The following COBL variants were observed in gnomAD, a reference collection of about 807,000 sequenced individuals.
COBL encodes protein cordon-bleu.
COBL carries 51 observed loss-of-function variants against 98.8 expected under a neutral mutation model. The observed-to-expected ratio is 0.52, with a 90% CI of 0.41 to 0.65. The LOEUF (loss-of-function observed/expected upper bound fraction) is 0.65. COBL is among the 30% of genes least tolerant of loss of function. COBL has a pLI of 0.00. For synonymous variants in COBL, 634 were observed against 651.7 expected, an observed-to-expected ratio of 0.97 and a Z score of 0.41; for missense variants, 1,617 against 1,617.5, an observed-to-expected ratio of 1.00 and a Z score of 0.01.
chr7:51,164,465 C>A (rs775765071), intron 5 of COBL, among the ~76,000 whole-genome samples: 1 of 152,070 alleles, frequency 6.6e-6, no homozygotes, highest in Non-Finnish European at 1.5e-5. Flanking sequence ...AGTGACATAA[C>A]ATATTTAAAG....
intron 1 of COBL, among the ~76,000 whole-genome samples, chr7:51,280,983 T>C (rs987414659): frequency 1.3e-5 from 2 of 152,132 alleles, no homozygotes; most frequent in African/African-American, 4.8e-5. Context: ...CATAATGAAA[T>C]AGTCAAAATG....
rs557887142 is a variant in COBL at position 51,109,388 on chromosome 7, G to A, written c.958-24084C>T. ...GTTCTGCATCATCATCTGCATCTGC[G>A]GACCCTTCTGGATAATCTTTAAAGG... is the stretch of plus-strand genomic sequence containing the variant. On this transcript the variant is annotated intron_variant, in intron 6 of 12. Transcript: ENST00000265136. 1.8e-4 allele frequency among the ~76,000 whole-genome samples: 28 copies of A among 152,198 alleles called. No individual in the cohort carries two copies. The South Asian group carries it at 4.6e-3, about 25-fold the overall frequency.
rs1787828393 is a variant in COBL, at chr7:51,028,587, G to A, written c.2509C>T (p.Pro837Ser). ...NPLGEGRNQP[P>S]TMGMGHVRVP... ...CTCACGTGACCCATGCCCATGGTGG[G>A]GGGCTGGTTTCTCCCCTCCCCTAGG... The change falls in exon 10 of 13, where the codon CCC (proline) becomes TCC (serine). Residue 837 changes from proline to serine, a missense_variant. By Grantham distance (74) the Pro-to-Ser change is moderately conservative. Coordinates refer to ENST00000265136, the MANE Select transcript of COBL (RefSeq NM_015198.5). 6.2e-7 allele frequency: 1 copy of A among 1,614,198 alleles called. No individual in the cohort carries two copies. The highest frequency in any genetic ancestry group is 8.5e-7 in the Non-Finnish European group (1 of 1,180,020).
At chr7:51,120,698 C>A (rs1797665848) in intron 6 of COBL, among the ~76,000 whole-genome samples, 1 of 152,084 alleles carries the variant, frequency 6.6e-6, no homozygotes, top group African/African-American at 2.4e-5. Flanking sequence ...AATCTGACTA[C>A]TGTAAGTGCC....
At chr7:51,241,261 C>T (rs1232105411) in intron 1 of COBL, among the ~76,000 whole-genome samples, 2 of 152,238 alleles carry the variant, frequency 1.3e-5, no homozygotes, top group African/African-American at 4.8e-5. Context: ...TACACACAAA[C>T]TTTTAAACAT....
At chr7:51,208,865 G>C (rs1353391726) in intron 2 of COBL, among the ~76,000 whole-genome samples, 2 of 151,862 alleles carry the variant, frequency 1.3e-5, no homozygotes, top group African/African-American at 4.8e-5. Flanking sequence ...TGAAGGCAGA[G>C]TCATCACCAC....
chr7:51,191,468 CCA>C, intron 3 of COBL, among the ~76,000 whole-genome samples: 1 of 151,548 alleles, frequency 6.6e-6, no homozygotes, highest in African/African-American at 2.4e-5. Context: ...GAAAAACCCT[CCA>C]AAAACATGAC....
chr7:51,075,000 T>G (rs1325659671), intron 7 of COBL, among the ~76,000 whole-genome samples: 1 of 152,210 alleles, frequency 6.6e-6, no homozygotes, highest in Non-Finnish European at 1.5e-5. Flanking sequence ...AGTCAATTAT[T>G]ACCGTTAACA....
At chr7:51,219,432 G>A (rs191349829) in intron 2 of COBL, among the ~76,000 whole-genome samples, 5 of 152,246 alleles carry the variant, frequency 3.3e-5, no homozygotes, top group African/African-American at 1.2e-4. Flanking sequence ...CCACCCAGGG[G>A]TGTAGGTCAC....
intron 4 of COBL, among the ~76,000 whole-genome samples, chr7:51,187,569 C>G (rs1203495888): frequency 6.6e-6 from 1 of 152,110 alleles, no homozygotes; most frequent in Non-Finnish European, 1.5e-5. Context: ...CATGGGCAGG[C>G]AGAGGTGAAA....
chr7:51,100,536 G>A (rs537151426), intron 6 of COBL, among the ~76,000 whole-genome samples: 1 of 152,244 alleles, frequency 6.6e-6, no homozygotes, highest in Admixed American at 6.5e-5. Flanking sequence ...TAATAATAAC[G>A]ACATATTCCA....
Position 51,028,410 on chromosome 7 carries a change from A to C in COBL, c.2686T>G (p.Tyr896Asp). The change falls in exon 10 of 13, where the codon TAT becomes GAT. Residue 896 changes from tyrosine to aspartate, a missense_variant. Physicochemically the swap from Tyr to Asp is radical, Grantham distance 160. This residue lies in a region of COBL where 1,304 missense variants were observed against 1,282.0 expected (regional missense o/e 1.02). Transcript: ENST00000265136. ...GCCAGCACTGGCGCCTTGCCTGCAT[A>C]ACCCTTCTCGGCATAACCGTGTGGC... Reference protein sequence around the residue: ...VRPHGYAEKGYAGKAPVLAAP... With the variant: ...VRPHGYAEKGDAGKAPVLAAP... 6.2e-7 allele frequency: 1 copy of C among 1,614,244 alleles called. No individual in the cohort carries two copies. Among genetic ancestry groups the C allele is most frequent in the Non-Finnish European group, 8.5e-7 (1 of 1,180,038 alleles).
chr7:51,131,908 A>G (rs768648895), intron 6 of COBL, among the ~76,000 whole-genome samples: 6 of 150,366 alleles, frequency 4.0e-5, no homozygotes, highest in Non-Finnish European at 8.9e-5. Flanking sequence ...CTTCTTAAAC[A>G]GAAGCTATCA....
chr7:51,148,012 T>C (rs1224215192), intron 5 of COBL, among the ~76,000 whole-genome samples: 1 of 152,194 alleles, frequency 6.6e-6, no homozygotes, highest in African/African-American at 2.4e-5. Flanking sequence ...TCCGCCCACC[T>C]TGGCCTCCGA....
chr7:51,193,410 T>C lies in COBL; in HGVS notation c.425A>G (p.Lys142Arg). 1 of 1,614,184 alleles carries C rather than the reference T, an allele frequency of 6.2e-7. No homozygotes were observed. The highest frequency in any genetic ancestry group is 8.5e-7 in the Non-Finnish European group (1 of 1,180,004). The change falls in exon 3 of 13, where the codon AAG becomes AGG. Residue 142 changes from lysine (K) to arginine (R), a missense_variant. Around this residue, in one of 3 missense-constraint regions of COBL, gnomAD observed 238 missense variants for 215.0 expected, o/e 1.11. Transcript: ENST00000265136. ...CACCTTAGGGGGACCAGGCTTAACC[T>C]TCTCTTCAGGAACTTTTTCTTTCAG... is the stretch of plus-strand genomic sequence containing the variant. The part of the protein sequence containing the change: ...VFLKEKVPEE[K>R]VKPGPPKVPE...
At chr7:51,037,236 G>GT (rs1788736409) in intron 8 of COBL, among the ~76,000 whole-genome samples, 1 of 152,208 alleles carries the variant, frequency 6.6e-6, no homozygotes, top group African/African-American at 2.4e-5. Flanking sequence ...TCCTCAGTCA[G>GT]TTGTACATAA....
rs184593415 is a variant in COBL, at chr7:51,085,687, G to A, written c.958-383C>T. Among the ~76,000 whole-genome samples, 1,135 of 152,290 alleles carry A rather than the reference G, an allele frequency of 7.5e-3. 13 individuals are homozygous for A. The highest frequency in any genetic ancestry group is 0.026 in the African/African-American group (1,100 of 41,568). On this transcript the variant is annotated intron_variant, in intron 6 of 12. Transcript: ENST00000265136. ...AATGTAAGGAGAACAATTCCTTCTG[G>A]AACAGGATGGGCTGCCGTGAATTGT...
In COBL at chr7:51,025,353, T is replaced by C; in HGVS notation, c.3524A>G (p.Glu1175Gly). The C allele has an allele frequency of 1.2e-6, 2 of 1,613,274 alleles. No individual in the cohort carries two copies. Among genetic ancestry groups the C allele is most frequent in the South Asian group, 2.2e-5 (2 of 91,068 alleles). ...SLRKVASSAS[E>G]ELQSFRDAAL... Reference sequence around the variant, plus strand: ...GGCATCTCGGAAGCTCTGGAGCTCCTCAGAAGCAGAGGATGCCACCTGGCA... The same window carrying C: ...GGCATCTCGGAAGCTCTGGAGCTCCCCAGAAGCAGAGGATGCCACCTGGCA... Residue 1175 changes from glutamate to glycine, a missense_variant, in exon 12 of 13, where the codon GAG becomes GGG. This residue lies in a region of COBL where 1,304 missense variants were observed against 1,282.0 expected (regional missense o/e 1.02). Transcript: ENST00000265136.
At chr7:51,115,537 A>G (rs1797199679) in intron 6 of COBL, among the ~76,000 whole-genome samples, 1 of 152,078 alleles carries the variant, frequency 6.6e-6, no homozygotes, top group South Asian at 2.1e-4. Context: ...AGATTACTTA[A>G]AAGTATGTTG....
Sources: allele counts gnomAD v4.1 joint callset (sites outside exome capture counted in the v4.1 genomes callset), GRCh38; gene constraint gnomAD v4.1.1; regional missense constraint gnomAD v4.1.1; transcripts MANE v1.5; gene names NCBI Gene and HGNC (gene_info 2026-07-23, HGNC 2026-07-21).